ARGLU1: variants seen among roughly 807,000 people sequenced by gnomAD.
ARGLU1 encodes the protein arginine and glutamate rich 1, also known as arginine and glutamate-rich protein 1.
Under a neutral mutation model 37.6 loss-of-function variants are expected in ARGLU1, and 9 were observed. The ratio of observed to expected loss-of-function variants is 0.24; its 90% confidence interval spans 0.14 to 0.42. The LOEUF (loss-of-function observed/expected upper bound fraction) is 0.42. Among genes scored for constraint, ARGLU1 ranks in the 10% least tolerant of loss-of-function variants. The pLI is 1.00. For synonymous variants in ARGLU1, 166 were observed against 138.5 expected, an observed-to-expected ratio of 1.20 and a Z score of -1.39; for missense variants, 211 against 359.2, an observed-to-expected ratio of 0.59 and a Z score of 3.34.
intron 1 of ARGLU1, among the ~76,000 whole-genome samples, chr13:106,562,997 A>AC (rs1462979157): frequency 7.7e-6 from 1 of 130,692 alleles, no homozygotes; most frequent in Non-Finnish European, 1.6e-5. Context: ...TCTCAAAAAA[A>AC]AAAAAAAAAA....
chr13:106,544,382 A>G (rs1377117143), intron 3 of ARGLU1, among the ~76,000 whole-genome samples: 1 of 152,074 alleles, frequency 6.6e-6, no homozygotes, highest in Non-Finnish European at 1.5e-5. Context: ...AATCTGACGA[A>G]GGTCACATAG....
chr13:106,557,307 A>G lies in ARGLU1; in HGVS notation c.574-176T>C. 1.5e-6 allele frequency: 1 copy of G among 683,266 alleles called. No individual in the cohort carries two copies. The highest frequency in any genetic ancestry group is 2.4e-6 in the Non-Finnish European group (1 of 424,532). 42.3% of individuals were successfully genotyped at this position (683,266 alleles called of 1,614,324 possible). ...CACTAAAATTGGTTTCTAGCACTAA[A>G]TTTAAATCATCCCTCCCAGTCCAAA... On this transcript the variant is annotated intron_variant, in intron 2 of 3. Coordinates refer to ENST00000400198, the MANE Select transcript of ARGLU1 (RefSeq NM_018011.4). This position sits in a 1 kb window ranked among gnomAD's most constrained non-coding sequence, Gnocchi z 5.0.
chr13:106,544,250 C>A, intron 3 of ARGLU1, 90 bp from the exon 4 acceptor site: 1 of 1,193,172 alleles, frequency 8.4e-7, no homozygotes, highest in South Asian at 2.4e-5. Context: ...TATGTATCTA[C>A]AAAAAAATTT....
chr13:106,545,439 AT>A (rs977155520), intron 3 of ARGLU1, among the ~76,000 whole-genome samples: 1 of 152,090 alleles, frequency 6.6e-6, no homozygotes, highest in Non-Finnish European at 1.5e-5. Context: ...AATCTATCAA[AT>A]TCAGTGATTT....
In ARGLU1 at chr13:106,543,041, T is replaced by A. The variant is rs1017324487; in HGVS notation, c.*955A>T. 1.3e-5 allele frequency: 2 copies of A among 152,072 alleles called. No homozygotes were observed. Among genetic ancestry groups the A allele is most frequent in the African/African-American group, 4.8e-5 (2 of 41,436 alleles). The allele number at this position is 152,072 out of a possible 1,614,324, so 9.4% of individuals were successfully genotyped here. A position where few individuals can be genotyped will look rare whatever the true frequency, so the allele number is the denominator to read the frequency against. The stretch of plus-strand genomic sequence containing the variant: ...TAAGTATACTTTGTGATAATACTTA[T>A]ATCCTAAAACAGAGGCACAGGTTTG... On this transcript the variant is annotated 3_prime_UTR_variant, in exon 4 of 4. Transcript: ENST00000400198.
intron 3 of ARGLU1, among the ~76,000 whole-genome samples, chr13:106,551,761 T>G (rs1393413711): frequency 6.6e-6 from 1 of 152,196 alleles, no homozygotes; most frequent in African/African-American, 2.4e-5. Flanking sequence ...GAGGATTCCT[T>G]GGCTTCAGCC....
At chr13:106,563,604 G>C (rs764988675) in intron 1 of ARGLU1, among the ~76,000 whole-genome samples, 3 of 152,150 alleles carry the variant, frequency 2.0e-5, no homozygotes, top group Admixed American at 6.5e-5. Context: ...AGGAGTTCAA[G>C]ATCAGCCTGG....
In ARGLU1 at chr13:106,562,990, C is replaced by CAAAA. The variant is rs745494550; in HGVS notation, c.348-3337_348-3334dup. ...TGGGCGACAGAGCAAGACCCTGTCT[C>CAAAA]AAAAAAAAAAAAAAAAAACAAAAAA... is the stretch of plus-strand genomic sequence containing the variant. On this transcript the variant is annotated intron_variant, in intron 1 of 3. Coordinates refer to ENST00000400198, the MANE Select transcript of ARGLU1 (RefSeq NM_018011.4). Among the ~76,000 whole-genome samples the CAAAA allele has an allele frequency of 2.7e-4, 18 of 67,400 alleles. No homozygotes were observed. In the South Asian group the frequency reaches 4.0e-3, roughly 15 times the overall value. The allele number at this position is 67,400 out of a possible 152,430, so 44.2% of individuals were successfully genotyped here.
intron 3 of ARGLU1, among the ~76,000 whole-genome samples, chr13:106,546,158 C>A (rs1880384742): frequency 6.6e-6 from 1 of 152,104 alleles, no homozygotes; most frequent in South Asian, 2.1e-4. Flanking sequence ...AGTTTAGGGC[C>A]ACATATCTTT....
rs1162962739 is a variant in ARGLU1 at position 106,565,639 on chromosome 13, A to T, written c.347+1934T>A. Among the ~76,000 whole-genome samples, 3 of 152,328 alleles carry T rather than the reference A, an allele frequency of 2.0e-5. No individual in the cohort carries two copies. The East Asian group carries it at 5.8e-4, about 29-fold the overall frequency. On this transcript the variant is annotated intron_variant, in intron 1 of 3. Transcript: ENST00000400198. ...TGTAGACTGCAAACTGTTTCCTTAC[A>T]CTGCCAAAGCTCCAACACTTAAGTC... is the stretch of plus-strand genomic sequence containing the variant.
chr13:106,554,309 T>C (rs893332435), intron 3 of ARGLU1, among the ~76,000 whole-genome samples: 19 of 152,226 alleles, frequency 1.2e-4, no homozygotes, highest in Non-Finnish European at 1.9e-4. Context: ...CCCTTCATCA[T>C]TCATCACTTT....
At chr13:106,551,813 C>A (rs946822708) in intron 3 of ARGLU1, among the ~76,000 whole-genome samples, 1 of 152,270 alleles carries the variant, frequency 6.6e-6, no homozygotes, top group East Asian at 1.9e-4. Flanking sequence ...CCAAATCTCT[C>A]TCCTCTGTCT....
intron 1 of ARGLU1, among the ~76,000 whole-genome samples, chr13:106,563,695 C>A (rs968109216): frequency 6.6e-6 from 1 of 152,106 alleles, no homozygotes; most frequent in East Asian, 1.9e-4. Context: ...GGTCTTATGC[C>A]TTAATGTTCT....
Position 106,567,709 on chromosome 13 carries a change from C to T in ARGLU1, c.211G>A (p.Asp71Asn), listed in dbSNP as rs1881016044. 2 of 1,612,282 alleles carry T rather than the reference C, an allele frequency of 1.2e-6. No individual in the cohort carries two copies. The highest frequency in any genetic ancestry group is 1.3e-5 in the African/African-American group (1 of 74,752). The change falls in exon 1 of 4, where the codon GAC becomes AAC. Residue 71 changes from aspartate (D) to asparagine (N), a missense_variant. By Grantham distance (23) the Asp-to-Asn change is conservative. Around this residue, in one of 3 missense-constraint regions of ARGLU1, gnomAD observed 130 missense variants for 179.8 expected, o/e 0.72. Transcript: ENST00000400198. The surrounding 1 kb of genome is among the most constrained non-coding windows in gnomAD (Gnocchi z 4.3). ...TNTAVSRRER[D>N]RERASSPPDR... is the part of the protein sequence containing the mutation. ...GGCGGGGACGAGGCGCGCTCCCGGT[C>T]CCGCTCGCGCCGGGACACGGCCGTG...
At chr13:106,562,671 T>C (rs1815435950) in intron 1 of ARGLU1, among the ~76,000 whole-genome samples, 1 of 152,078 alleles carries the variant, frequency 6.6e-6, no homozygotes, top group Admixed American at 6.5e-5. Flanking sequence ...CTAGGTCCTA[T>C]TTTCTCTGTG....
intron 2 of ARGLU1, chr13:106,558,396 G>A (rs1880711635): frequency 2.0e-6 from 2 of 985,310 alleles, no homozygotes; most frequent in Non-Finnish European, 1.2e-6. Flanking sequence ...ATGTCAACTT[G>A]TCCACAATAA....
intron 3 of ARGLU1, among the ~76,000 whole-genome samples, chr13:106,546,532 CCTG>C (rs1880394941): frequency 6.6e-6 from 1 of 152,148 alleles, no homozygotes; most frequent in Non-Finnish European, 1.5e-5. Context: ...AAAAGAACTG[CCTG>C]CTATCGGTCA....
In ARGLU1 at chr13:106,567,155, T is replaced by C. The variant is rs947503705; in HGVS notation, c.347+418A>G. On this transcript the variant is annotated intron_variant, in intron 1 of 3. Coordinates refer to ENST00000400198, the MANE Select transcript of ARGLU1 (RefSeq NM_018011.4). This position sits in a 1 kb window ranked among gnomAD's most constrained non-coding sequence, Gnocchi z 4.3. Reference sequence around the variant, plus strand: ...CTGTGATTCGCATCTCAAAGGTTAATTCCCTTCTCTCTCCTCCTCAAGCCG... The same window carrying C: ...CTGTGATTCGCATCTCAAAGGTTAACTCCCTTCTCTCTCCTCCTCAAGCCG... Among the ~76,000 whole-genome samples, 12 of 151,888 alleles carry C rather than the reference T, an allele frequency of 7.9e-5. No homozygotes were observed. Among genetic ancestry groups the C allele is most frequent in the Non-Finnish European group, 1.8e-4 (12 of 67,960 alleles).
intron 1 of ARGLU1, among the ~76,000 whole-genome samples, chr13:106,563,148 A>G (rs1174070176): frequency 1.3e-5 from 2 of 152,144 alleles, no homozygotes; most frequent in Admixed American, 1.3e-4. Flanking sequence ...TGGGAACTCA[A>G]TCCTAGGGGT....
Sources: allele counts gnomAD v4.1 joint callset (sites outside exome capture counted in the v4.1 genomes callset), GRCh38; gene constraint gnomAD v4.1.1; regional missense constraint gnomAD v4.1.1; non-coding constraint Gnocchi (gnomAD v3.1); transcripts MANE v1.5; gene names NCBI Gene and HGNC (gene_info 2026-07-23, HGNC 2026-07-21).